The following OAS2 variants were observed in gnomAD, a reference collection of about 807,000 sequenced individuals.
OAS2 encodes the protein 2'-5'-oligoadenylate synthetase 2, also known as 2'-5'-oligoadenylate synthase 2.
Under a neutral mutation model 71.3 loss-of-function variants are expected in OAS2, and 67 were observed. That is an observed-to-expected ratio of 0.94 (90% CI 0.77 to 1.15). OAS2 has a LOEUF of 1.15. Among genes scored for constraint, OAS2 ranks in the 50% most tolerant of loss-of-function variants. The pLI, the probability that OAS2 is intolerant of heterozygous loss-of-function variation, is 0.00. For synonymous variants in OAS2, 327 were observed against 321.8 expected, an observed-to-expected ratio of 1.02 and a Z score of -0.17; for missense variants, 789 against 822.5, an observed-to-expected ratio of 0.96 and a Z score of 0.50.
chr12:113,000,238 A>T (rs2044271228), intron 5 of OAS2, among the ~76,000 whole-genome samples: 1 of 152,210 alleles, frequency 6.6e-6, no homozygotes, highest in Non-Finnish European at 1.5e-5. Context: ...TGATTTCGAC[A>T]GTCATTCCAA....
chr12:112,988,324 G>T (rs1243279345), intron 2 of OAS2: 2 of 665,774 alleles, frequency 3.0e-6, no homozygotes, highest in Non-Finnish European at 3.7e-6. Flanking sequence ...AGTAGGTTCA[G>T]AGAGTCTTGA....
At chr12:112,981,291 A>G (rs981322335) in intron 1 of OAS2, among the ~76,000 whole-genome samples, 5 of 152,100 alleles carry the variant, frequency 3.3e-5, no homozygotes, top group African/African-American at 1.2e-4. Context: ...AAATACTTGC[A>G]TAGACCAATA....
chr12:113,007,534 T>C (rs1433925128), intron 8 of OAS2, among the ~76,000 whole-genome samples, 171 bp from the exon 9 acceptor site: 2 of 152,222 alleles, frequency 1.3e-5, no homozygotes, highest in Non-Finnish European at 2.9e-5. Flanking sequence ...GAAACTCAAA[T>C]GTGCTGCTGC....
chr12:112,996,819 G>C (rs2044236861), intron 3 of OAS2, among the ~76,000 whole-genome samples: 2 of 152,204 alleles, frequency 1.3e-5, no homozygotes, highest in Admixed American at 1.3e-4. Context: ...TTTCCAATTT[G>C]TGATGGGTGA....
At chr12:112,988,345 G>T (rs757195422) in intron 2 of OAS2, 2 of 481,726 alleles carry the variant, frequency 4.2e-6, no homozygotes, top group Non-Finnish European at 5.4e-6. Context: ...ACACAGCCAC[G>T]TGGTGGAAGA....
chr12:112,988,171 A>G (rs1357322497), intron 2 of OAS2: 1 of 979,936 alleles, frequency 1.0e-6, no homozygotes, highest in Non-Finnish European at 1.2e-6. Context: ...CAGCCCACTT[A>G]AAGGCAGCAT....
At chr12:113,002,394 C>G (rs540499124) in intron 5 of OAS2, among the ~76,000 whole-genome samples, 2 of 152,182 alleles carry the variant, frequency 1.3e-5, no homozygotes, top group Non-Finnish European at 2.9e-5. Context: ...AGAGAATAAA[C>G]TTCTGTTGTT....
intron 5 of OAS2, 91 bp from the exon 6 acceptor site, chr12:113,002,841 G>A: frequency 1.7e-6 from 2 of 1,146,740 alleles, no homozygotes; most frequent in Non-Finnish European, 2.5e-6. Context: ...GTTGGGAGAG[G>A]CAGGGTAGGG....
At chr12:113,007,985 C>T in intron 9 of OAS2, 42 bp downstream of exon 9, 4 of 1,398,574 alleles carry the variant, frequency 2.9e-6, no homozygotes, top group Admixed American at 1.7e-5. Flanking sequence ...ACCTGATTCC[C>T]TTGAACACTG....
At position 113,010,261 on chromosome 12, in the gene OAS2, T is replaced by C. The variant is rs368939755; in HGVS notation, c.*1006T>C. 2.7e-6 allele frequency: 4 copies of C among 1,481,950 alleles called. No homozygotes were observed. The highest frequency in any genetic ancestry group is 2.9e-5 in the South Asian group (2 of 68,512). 91.8% of individuals were successfully genotyped at this position (1,481,950 alleles called of 1,614,324 possible). A position where few individuals can be genotyped will look rare whatever the true frequency, so the allele number is the denominator to read the frequency against. Reference sequence around the variant, plus strand: ...TAAATAAATACCAAAAAATTGTCTCTGGCAATAGTTACCTTCCCAGATACA... The same window carrying C: ...TAAATAAATACCAAAAAATTGTCTCCGGCAATAGTTACCTTCCCAGATACA... On this transcript the variant is annotated 3_prime_UTR_variant, in exon 10 of 10. Coordinates refer to ENST00000392583, the MANE Select transcript of OAS2 (RefSeq NM_002535.3).
Position 113,005,024 on chromosome 12 carries a change from C to A in OAS2, c.1270C>A (p.Gln424Lys). 1 of 1,614,060 alleles carries A rather than the reference C, an allele frequency of 6.2e-7. No individual in the cohort carries two copies. Among genetic ancestry groups the A allele is most frequent in the South Asian group, 1.1e-5 (1 of 91,064 alleles). ...TAACTCACTTAAAAGCTACACCTCC[C>A]AAAAAAACGAGCGGCACAAAATCGT... ...FHNSLKSYTSQKNERHKIVKE... is the reference protein window; with the variant it reads ...FHNSLKSYTSKKNERHKIVKE... The change falls in exon 7 of 10, where the codon CAA becomes AAA. Residue 424 changes from glutamine (Q) to lysine (K), a missense_variant. Gln to Lys is a moderately conservative substitution (Grantham distance 53, BLOSUM62 1). Transcript: ENST00000392583.
chr12:113,007,027 C>G (rs946287735), intron 8 of OAS2, among the ~76,000 whole-genome samples: 1 of 152,214 alleles, frequency 6.6e-6, no homozygotes. Context: ...GCTTGAACAA[C>G]TGGTCAGCCC....
At chr12:112,985,283 T>A (rs1029926255) in intron 1 of OAS2, among the ~76,000 whole-genome samples, 2 of 152,220 alleles carry the variant, frequency 1.3e-5, no homozygotes, top group Non-Finnish European at 2.9e-5. Flanking sequence ...CTTTCCAAAT[T>A]TAAATATTTG....
In OAS2 at chr12:113,009,779, T is replaced by C; in HGVS notation, c.*524T>C. The C allele has an allele frequency of 1.0e-6, 1 of 987,066 alleles. No individual in the cohort carries two copies. The highest frequency in any genetic ancestry group is 1.2e-6 in the Non-Finnish European group (1 of 831,216). The allele number at this position is 987,066 out of a possible 1,614,324, so 61.1% of individuals were successfully genotyped here. On this transcript the variant is annotated 3_prime_UTR_variant, in exon 10 of 10. Transcript: ENST00000392583. ...AAATGTCATGTGGCTACCTGTAACT[T>C]GAAGGTGGCTACAAAGATGACTGTG...
chr12:112,994,792 G>A (rs2044220526), intron 2 of OAS2, among the ~76,000 whole-genome samples: 1 of 152,136 alleles, frequency 6.6e-6, no homozygotes, highest in African/African-American at 2.4e-5. Flanking sequence ...ACCAGCCCCT[G>A]TCCCCAGACC....
chr12:113,007,869 C>T lies in OAS2; in HGVS notation c.1821C>T (p.Ile607=), dbSNP rs892729197. 5.0e-6 allele frequency: 8 copies of T among 1,614,194 alleles called. No individual in the cohort carries two copies. Among genetic ancestry groups the T allele is most frequent in the Admixed American group, 1.7e-5 (1 of 60,026 alleles). ...TCACACAATATCAGCAGCTCTGCATCTTCTGGAAGGTCAATTACAACTTTG... is the reference window on the plus strand; with the variant it reads ...TCACACAATATCAGCAGCTCTGCATTTTCTGGAAGGTCAATTACAACTTTG... ...ELVTQYQQLC[I]FWKVNYNFED... The change falls in exon 9 of 10, where the codon ATC becomes ATT. Residue 607 remains isoleucine (I), a synonymous_variant. Transcript: ENST00000392583.
At chr12:112,987,917 C>T in intron 2 of OAS2, 1 of 985,586 alleles carries the variant, frequency 1.0e-6, no homozygotes, top group Non-Finnish European at 1.2e-6. Context: ...AGCAAACATT[C>T]CCACACTCTT....
chr12:112,989,761 T>G (rs1174866082), intron 2 of OAS2, among the ~76,000 whole-genome samples: 1 of 152,170 alleles, frequency 6.6e-6, no homozygotes, highest in Non-Finnish European at 1.5e-5. Flanking sequence ...TGAACTGGTT[T>G]TTCAGGTCAA....
intron 2 of OAS2, among the ~76,000 whole-genome samples, chr12:112,992,442 G>A (rs945197600): frequency 1.4e-5 from 2 of 147,500 alleles, no homozygotes; most frequent in Admixed American, 6.7e-5. Context: ...GAGGGGAAGA[G>A]AGGGGAGGGG....
Sources: allele counts gnomAD v4.1 joint callset (sites outside exome capture counted in the v4.1 genomes callset), GRCh38; gene constraint gnomAD v4.1.1; transcripts MANE v1.5; gene names NCBI Gene and HGNC (gene_info 2026-07-23, HGNC 2026-07-21).